The following PTPRD variants were observed in gnomAD, a reference collection of about 807,000 sequenced individuals.
PTPRD encodes protein tyrosine phosphatase receptor type D, also known as receptor-type tyrosine-protein phosphatase delta.
In PTPRD, 34 loss-of-function variants were observed where a neutral mutation model predicts 214.5. The observed-to-expected ratio is 0.16, with a 90% CI of 0.12 to 0.21. PTPRD has a LOEUF of 0.21. Among genes scored for constraint, PTPRD ranks in the 10% least tolerant of loss-of-function variants. PTPRD has a pLI of 1.00. For missense variants in PTPRD, 2,545 were observed against 2,398.7 expected (o/e 1.06, Z -1.27); for synonymous variants, 1,128 against 845.7 (o/e 1.33, Z -5.79).
At chr9:10,335,558 A>C (rs1340762540) in intron 3 of PTPRD, among the ~76,000 whole-genome samples, 1 of 151,744 alleles carries the variant, frequency 6.6e-6, no homozygotes, top group Non-Finnish European at 1.5e-5. Flanking sequence ...AGATAGAACA[A>C]CAAAGGCATG....
chr9:8,880,165 C>T (rs2098431450), intron 11 of PTPRD, among the ~76,000 whole-genome samples: 2 of 151,908 alleles, frequency 1.3e-5, no homozygotes, highest in African/African-American at 4.8e-5. Flanking sequence ...CAGTCATAGC[C>T]CTGAGAAAAC....
intron 12 of PTPRD, among the ~76,000 whole-genome samples, chr9:8,705,615 T>G (rs186482346): frequency 1.1e-3 from 175 of 152,330 alleles, no homozygotes; most frequent in African/African-American, 3.6e-3. Context: ...ATAAAAGATA[T>G]ATCTGCTTCT....
chr9:9,678,996 G>A (rs1407046888), intron 7 of PTPRD, among the ~76,000 whole-genome samples: 1 of 151,668 alleles, frequency 6.6e-6, no homozygotes, highest in East Asian at 1.9e-4. Flanking sequence ...GTACATCAGA[G>A]TAATAATGCT....
chr9:8,413,044 T>TA (rs1482402313), intron 35 of PTPRD, among the ~76,000 whole-genome samples: 1 of 152,220 alleles, frequency 6.6e-6, no homozygotes, highest in African/African-American at 2.4e-5. Context: ...ATTGTTAAGA[T>TA]AAATCATCTT....
chr9:9,763,256 G>C (rs1189393529), intron 6 of PTPRD, among the ~76,000 whole-genome samples: 1 of 152,114 alleles, frequency 6.6e-6, no homozygotes, highest in Non-Finnish European at 1.5e-5. Flanking sequence ...CCATGACATA[G>C]AGATAATCAC....
intron 3 of PTPRD, among the ~76,000 whole-genome samples, chr9:10,227,881 G>T (rs1281647566): frequency 6.6e-6 from 1 of 151,560 alleles, no homozygotes; most frequent in East Asian, 2.0e-4. Context: ...ACTTGGCTGA[G>T]GACTCGCAAG....
intron 35 of PTPRD, among the ~76,000 whole-genome samples, chr9:8,429,511 TTATC>T (rs761907134): frequency 6.6e-6 from 1 of 152,212 alleles, no homozygotes; most frequent in Non-Finnish European, 1.5e-5. Context: ...TATTTTTCCT[TTATC>T]TGTCTTACTG....
intron 7 of PTPRD, among the ~76,000 whole-genome samples, chr9:9,668,120 C>T (rs137911795): frequency 9.2e-5 from 14 of 152,162 alleles, no homozygotes; most frequent in South Asian, 2.1e-4. Context: ...ATGATCTCCA[C>T]GTATCATCTG....
chr9:10,551,744 C>T (rs539041366), intron 2 of PTPRD, among the ~76,000 whole-genome samples: 14 of 152,280 alleles, frequency 9.2e-5, no homozygotes, highest in African/African-American at 3.4e-4. Flanking sequence ...ACTAAGACAA[C>T]TTGCTTCCCA....
At chr9:8,651,348 C>G (rs956841083) in intron 12 of PTPRD, among the ~76,000 whole-genome samples, 8 of 152,090 alleles carry the variant, frequency 5.3e-5, no homozygotes, top group Non-Finnish European at 8.8e-5. Context: ...AAGGCATGTA[C>G]AAGCAAGCAG....
intron 4 of PTPRD, among the ~76,000 whole-genome samples, chr9:9,992,515 G>C (rs2095976780): frequency 1.3e-5 from 2 of 151,982 alleles, no homozygotes; most frequent in South Asian, 4.1e-4. Context: ...GTTTATAGCA[G>C]CACTATTCAC....
intron 14 of PTPRD, among the ~76,000 whole-genome samples, chr9:8,551,203 G>A (rs535904486): frequency 4.6e-5 from 7 of 152,184 alleles, no homozygotes; most frequent in Admixed American, 1.3e-4. Flanking sequence ...TTTAACCTCC[G>A]TAGGCATTGG....
At chr9:8,731,146 A>G (rs1035255001) in intron 12 of PTPRD, among the ~76,000 whole-genome samples, 1 of 152,210 alleles carries the variant, frequency 6.6e-6, no homozygotes, top group African/African-American at 2.4e-5. Flanking sequence ...CTTTGCTATG[A>G]CATTCTATAC....
At chr9:8,952,504 A>T (rs972570239) in intron 11 of PTPRD, among the ~76,000 whole-genome samples, 7 of 151,952 alleles carry the variant, frequency 4.6e-5, no homozygotes, top group Non-Finnish European at 7.4e-5. Context: ...GTAGATACAC[A>T]TAGTCACACA....
intron 2 of PTPRD, among the ~76,000 whole-genome samples, chr9:10,543,216 A>C (rs1418876947): frequency 6.6e-6 from 1 of 152,130 alleles, no homozygotes; most frequent in African/African-American, 2.4e-5. Context: ...AACATGATAA[A>C]GGGGAAGGCA....
chr9:8,745,251 G>A (rs1032790019), intron 11 of PTPRD, among the ~76,000 whole-genome samples: 1 of 152,172 alleles, frequency 6.6e-6, no homozygotes, highest in Non-Finnish European at 1.5e-5. Context: ...TCAGAGGAGG[G>A]CTTAGAACCA....
chr9:10,076,476 G>A (rs2154184811), intron 3 of PTPRD, among the ~76,000 whole-genome samples: 1 of 152,162 alleles, frequency 6.6e-6, no homozygotes, highest in South Asian at 2.1e-4. Flanking sequence ...GTACTGGGAG[G>A]ACCCTGAATG....
intron 10 of PTPRD, among the ~76,000 whole-genome samples, chr9:9,114,827 T>G (rs993763237): frequency 6.6e-6 from 1 of 152,124 alleles, no homozygotes; most frequent in Admixed American, 6.6e-5. Context: ...GCCTTGGGCA[T>G]TATCTAGAAG....
chr9:9,764,399 T>C (rs1326347569), intron 6 of PTPRD, among the ~76,000 whole-genome samples: 1 of 152,170 alleles, frequency 6.6e-6, no homozygotes, highest in Non-Finnish European at 1.5e-5. Flanking sequence ...AATGAAATTT[T>C]GAAAAGAAGT....
Sources: gnomAD v4.1 joint callset for allele counts (sites outside exome capture counted in the v4.1 genomes callset) on GRCh38, gnomAD v4.1.1 for gene constraint, MANE v1.5 for transcripts, NCBI Gene and HGNC (gene_info 2026-07-23, HGNC 2026-07-21) for gene names.